The following MTA3 variants were observed in gnomAD, a reference collection of about 807,000 sequenced individuals.
MTA3 encodes metastasis-associated protein MTA3.
Under a neutral mutation model 83.5 loss-of-function variants are expected in MTA3, and 34 were observed. The ratio of observed to expected loss-of-function variants is 0.41; its 90% confidence interval spans 0.31 to 0.54. MTA3 has a LOEUF of 0.54. Ranked by LOEUF, MTA3 falls within the 20% of genes least tolerant of loss-of-function variation. The pLI, the probability that MTA3 is intolerant of heterozygous loss-of-function variation, is 0.33. For synonymous variants in MTA3, 303 were observed against 252.7 expected (o/e 1.20, Z -1.89); for missense variants, 761 against 726.4 (o/e 1.05, Z -0.55).
chr2:42,659,978 G>T (rs1364822123), intron 8 of MTA3, 116 bp downstream of exon 8: 7 of 582,856 alleles, frequency 1.2e-5, no homozygotes, highest in Non-Finnish European at 1.9e-5. Flanking sequence ...CTTCCTGACT[G>T]CTAGGTTGAT....
At chr2:42,750,482 G>T (rs114020894) in intron 16 of MTA3, among the ~76,000 whole-genome samples, 1 of 151,896 alleles carries the variant, frequency 6.6e-6, no homozygotes, top group Non-Finnish European at 1.5e-5. Context: ...TGAAAGCTCT[G>T]TGCTTGTTCT....
intron 3 of MTA3, among the ~76,000 whole-genome samples, chr2:42,586,789 C>T (rs1680385560): frequency 6.6e-6 from 1 of 152,146 alleles, no homozygotes; most frequent in Admixed American, 6.6e-5. Context: ...CTTTGGGAGG[C>T]TGAGGTGGGT....
chr2:42,623,127 C>T (rs1408080217), intron 4 of MTA3, among the ~76,000 whole-genome samples: 2 of 152,196 alleles, frequency 1.3e-5, no homozygotes, highest in Non-Finnish European at 2.9e-5. Flanking sequence ...ACAGCAATAA[C>T]TCAAGCATAC....
intron 8 of MTA3, among the ~76,000 whole-genome samples, chr2:42,661,556 T>A (rs1689721053): frequency 6.8e-6 from 1 of 146,310 alleles, no homozygotes; most frequent in African/African-American, 2.5e-5. Flanking sequence ...GAACCAGAAC[T>A]ATGTGGAATC....
intron 2 of MTA3, among the ~76,000 whole-genome samples, chr2:42,577,270 G>C (rs1458831227): frequency 6.6e-6 from 1 of 151,432 alleles, no homozygotes; most frequent in Non-Finnish European, 1.5e-5. Flanking sequence ...TGCTGGAGAG[G>C]GTGTGTTTGT....
chr2:42,633,178 G>A (rs946338282), intron 4 of MTA3, among the ~76,000 whole-genome samples: 9 of 151,734 alleles, frequency 5.9e-5, no homozygotes, highest in African/African-American at 2.2e-4. Context: ...CAGGAGAATC[G>A]TTTGAACCTG....
intron 9 of MTA3, among the ~76,000 whole-genome samples, chr2:42,688,240 A>G (rs913593724): frequency 6.6e-6 from 1 of 152,110 alleles, no homozygotes; most frequent in African/African-American, 2.4e-5. Flanking sequence ...ATGTCTGGCT[A>G]ACTTTCTTTT....
chr2:42,654,292 C>G (rs1033820680), intron 6 of MTA3, among the ~76,000 whole-genome samples: 2 of 152,182 alleles, frequency 1.3e-5, no homozygotes, highest in Non-Finnish European at 1.5e-5. Flanking sequence ...TCCATTGATA[C>G]CTGCTTGCTC....
At chr2:42,656,583 A>T (rs1473323814) in intron 7 of MTA3, among the ~76,000 whole-genome samples, 1 of 152,178 alleles carries the variant, frequency 6.6e-6, no homozygotes, top group Non-Finnish European at 1.5e-5. Flanking sequence ...CCACATCCTT[A>T]ATAAAAAGAG....
intron 13 of MTA3, 85 bp from the exon 14 acceptor site, chr2:42,708,789 C>G (rs888293905): frequency 1.4e-6 from 2 of 1,381,004 alleles, no homozygotes; most frequent in African/African-American, 2.9e-5. Context: ...TTAAAAGTTG[C>G]ACTTTTCTTT....
intron 8 of MTA3, among the ~76,000 whole-genome samples, chr2:42,660,661 G>A (rs1369847647): frequency 6.6e-6 from 1 of 152,108 alleles, no homozygotes; most frequent in Non-Finnish European, 1.5e-5. Context: ...TTTTACACAC[G>A]AGAAAACTGA....
chr2:42,564,374 A>G (rs1677814231), upstream of MTA3, among the ~76,000 whole-genome samples: 1 of 152,164 alleles, frequency 6.6e-6, no homozygotes. Context: ...TAGGGATTTC[A>G]TGTTTTTTGC....
chr2:42,719,129 A>G, intron 15 of MTA3, 55 bp downstream of exon 15: 1 of 1,315,770 alleles, frequency 7.6e-7, no homozygotes, highest in South Asian at 1.3e-5. Flanking sequence ...AATAGTATAG[A>G]TATTTGGCAA....
Position 42,648,037 on chromosome 2 carries a change from C to T in MTA3, c.499+3793C>T, listed in dbSNP as rs139263518. 9.3e-3 allele frequency among the ~76,000 whole-genome samples: 1,414 copies of T among 152,150 alleles called. 18 individuals are homozygous for T. Among genetic ancestry groups the T allele is most frequent in the African/African-American group, 0.029 (1,183 of 41,508 alleles). ...TGTATTTTTAGCAGGGACAGGGTTT[C>T]GCCGTGTTGGCCAGGCTGGTCTTGA... is the stretch of plus-strand genomic sequence containing the variant. On this transcript the variant is annotated intron_variant, in intron 6 of 16. Transcript: ENST00000405094.
intron 2 of MTA3, among the ~76,000 whole-genome samples, chr2:42,562,120 C>T (rs773106388): frequency 1.3e-5 from 2 of 152,110 alleles, no homozygotes; most frequent in Non-Finnish European, 2.9e-5. Context: ...CAGGGCTGCC[C>T]CCTTTTCTCT....
At chr2:42,645,834 G>A (rs1057155128) in intron 6 of MTA3, among the ~76,000 whole-genome samples, 9 of 152,208 alleles carry the variant, frequency 5.9e-5, no homozygotes, top group East Asian at 1.9e-4. Context: ...GCTGCAGCAC[G>A]TTATCCAAAA....
rs1558539125 is a variant in MTA3, at chr2:42,646,536, C to T, written c.499+2292C>T. On this transcript the variant is annotated intron_variant, in intron 6 of 16. Transcript: ENST00000405094. The stretch of plus-strand genomic sequence containing the variant: ...AAGAGGAGTTTAGAAGAAGTTGATT[C>T]CAACACTCGTGGATAACTTTGAAGG... Among the ~76,000 whole-genome samples the T allele has an allele frequency of 2.0e-5, 3 of 152,160 alleles. No individual in the cohort carries two copies. In the South Asian group the frequency reaches 6.2e-4, roughly 32 times the overall value.
In MTA3 at chr2:42,570,514, G is replaced by A; in HGVS notation, c.96+10G>A. 5.7e-6 allele frequency: 8 copies of A among 1,391,324 alleles called. No individual in the cohort carries two copies. Among genetic ancestry groups the A allele is most frequent in the Non-Finnish European group, 7.7e-6 (8 of 1,036,932 alleles). 86.2% of individuals were successfully genotyped at this position (1,391,324 alleles called of 1,614,324 possible). The stretch of plus-strand genomic sequence containing the variant: ...AGAAGAACTCAACAAGGTATACACT[G>A]AGTGTTCTTAATTTTAATATTAAAA... On this transcript the variant is annotated intron_variant, in intron 2 of 16. Coordinates refer to ENST00000405094, the MANE Select transcript of MTA3 (RefSeq NM_001330442.2).
upstream of MTA3, among the ~76,000 whole-genome samples, chr2:42,566,414 T>C (rs1189304974): frequency 6.6e-6 from 1 of 152,218 alleles, no homozygotes; most frequent in African/African-American, 2.4e-5. Context: ...ACTGAGCATC[T>C]ACTGTGTCAG....
Sources: allele counts gnomAD v4.1 joint callset (sites outside exome capture counted in the v4.1 genomes callset), GRCh38; gene constraint gnomAD v4.1.1; transcripts MANE v1.5; gene names NCBI Gene and HGNC (gene_info 2026-07-23, HGNC 2026-07-21).